ADAM11: variants seen among roughly 807,000 people sequenced by gnomAD.
The protein encoded by ADAM11 is ADAM metallopeptidase domain 11, also known as disintegrin and metalloproteinase domain-containing protein 11.
A neutral mutation model predicts 119.1 loss-of-function variants in ADAM11; 49 were observed. That is an observed-to-expected ratio of 0.41 (90% CI 0.33 to 0.52). The LOEUF is 0.52. Ranked by LOEUF, ADAM11 falls within the 20% of genes least tolerant of loss-of-function variation. The pLI is 0.20. For missense variants in ADAM11, 777 were observed against 1,047.5 expected (o/e 0.74, Z 3.56); for synonymous variants, 364 against 408.0 (o/e 0.89, Z 1.30).
rs761365432 is a variant in ADAM11, at chr17:44,759,842, AG to A, written c.184del (p.Val62SerfsTer25). 2 of 1,314,190 alleles carry A rather than the reference AG, an allele frequency of 1.5e-6. No homozygotes were observed. The highest frequency in any genetic ancestry group is 2.0e-6 in the Non-Finnish European group (2 of 1,023,302). The allele number at this position is 1,314,190 out of a possible 1,614,324, so 81.4% of individuals were successfully genotyped here. ...SRLVRESSGG[E>X]VRKQQLDTRV... ...CTGGTTAGGGAGAGCTCCGGGGGAG[AG>A]GTCCGAAAGCAGCAGCTGGACACAA... On this transcript the variant is annotated frameshift_variant, in exon 2 of 27. Transcript: ENST00000200557. LOFTEE classifies it high-confidence loss of function.
chr17:44,773,115 C>T lies in ADAM11; in HGVS notation c.825+30C>T. 1 of 1,583,136 alleles carries T rather than the reference C, an allele frequency of 6.3e-7. No individual in the cohort carries two copies. The highest frequency in any genetic ancestry group is 2.3e-5 in the East Asian group (1 of 43,706). ...GCAGCTCTCCCTCCCTCCCTTCCCTCCTCCTCATGCCCCCCACCCCACCAC... is the reference window on the plus strand; with the variant it reads ...GCAGCTCTCCCTCCCTCCCTTCCCTTCTCCTCATGCCCCCCACCCCACCAC... On this transcript the variant is annotated intron_variant, in intron 10 of 26. Transcript: ENST00000200557. This position sits in a 1 kb window ranked among gnomAD's most constrained non-coding sequence, Gnocchi z 4.6.
Position 44,764,941 on chromosome 17 carries a change from G to A in ADAM11, c.238-4777G>A, listed in dbSNP as rs948198790. 7.9e-5 allele frequency among the ~76,000 whole-genome samples: 12 copies of A among 152,138 alleles called. 1 individual carries two copies. The South Asian group carries it at 2.5e-3, about 32-fold the overall frequency. Reference sequence around the variant, plus strand: ...GGGGTTACTTGTCAGGCTCGGGGTGGGGTCCAGGGGAGAAACCACATGAGC... The same window carrying A: ...GGGGTTACTTGTCAGGCTCGGGGTGAGGTCCAGGGGAGAAACCACATGAGC... On this transcript the variant is annotated intron_variant, in intron 2 of 26. Transcript: ENST00000200557.
At position 44,775,612 on chromosome 17, in the gene ADAM11, G is replaced by A; in HGVS notation, c.1421G>A (p.Cys474Tyr). The A allele has an allele frequency of 6.3e-7, 1 of 1,587,862 alleles. No homozygotes were observed. The highest frequency in any genetic ancestry group is 1.7e-5 in the Admixed American group (1 of 57,296). Residue 474 changes from cysteine (C) to tyrosine (Y), a missense_variant, in exon 17 of 27, where the codon TGC (cysteine) becomes TAC (tyrosine). By Grantham distance (194) the Cys-to-Tyr change is radical. Coordinates refer to ENST00000200557, the MANE Select transcript of ADAM11 (RefSeq NM_002390.6). The surrounding 1 kb of genome is among the most constrained non-coding windows in gnomAD (Gnocchi z 7.5). ...TGCAGCCGCGCAGGTGGCAACTGCT[G>A]CAAGAAATGCACCCTGACTCACGAC... The part of the protein sequence containing the change: ...QECSRAGGNC[C>Y]KKCTLTHDAM...
Position 44,777,539 on chromosome 17 carries a change from GGACCTGGTGGGA to G in ADAM11, c.1843_1854del (p.Leu615_Asp618del), listed in dbSNP as rs1196162809. Reference sequence around the variant, plus strand: ...ACATCTCTGGAGCTCCTCGGCTAGGGGACCTGGTGGGAGACATCAGTAGTGTCACCTTCTACC... The same window carrying G: ...ACATCTCTGGAGCTCCTCGGCTAGGGGACATCAGTAGTGTCACCTTCTACC... On this transcript the variant is annotated inframe_deletion, in exon 22 of 27. Transcript: ENST00000200557. The surrounding 1 kb of genome is among the most constrained non-coding windows in gnomAD (Gnocchi z 5.1). 6.2e-7 allele frequency: 1 copy of G among 1,614,194 alleles called. No individual in the cohort carries two copies. The highest frequency in any genetic ancestry group is 1.7e-5 in the Admixed American group (1 of 60,024).
chr17:44,777,839 G>C lies in ADAM11; in HGVS notation c.2046G>C (p.Glu682Asp). The C allele has an allele frequency of 1.9e-6, 3 of 1,613,676 alleles. No homozygotes were observed. Among genetic ancestry groups the C allele is most frequent in the Non-Finnish European group, 2.5e-6 (3 of 1,180,006 alleles). Residue 682 changes from glutamate (E) to aspartate (D), a missense_variant, in exon 23 of 27, where the codon GAG (glutamate) becomes GAC (aspartate). Coordinates refer to ENST00000200557, the MANE Select transcript of ADAM11 (RefSeq NM_002390.6). This position sits in a 1 kb window ranked among gnomAD's most constrained non-coding sequence, Gnocchi z 5.1. The part of the protein sequence containing the change: ...FNFSTCPGSG[E>D]RRICSHHGVC... ...TCAGCACCTGCCCCGGCAGTGGGGAGCGCCGGATTTGCTCCCACCACGGGG... is the reference window on the plus strand; with the variant it reads ...TCAGCACCTGCCCCGGCAGTGGGGACCGCCGGATTTGCTCCCACCACGGGG...
chr17:44,774,587 C>A lies in ADAM11; in HGVS notation c.1168+5C>A. The A allele has an allele frequency of 2.5e-6, 4 of 1,611,874 alleles. No homozygotes were observed. The highest frequency in any genetic ancestry group is 3.4e-6 in the Non-Finnish European group (4 of 1,178,992). ...ACAAACACCGGAGCTCGGCAGGTAT[C>A]CTCCCCCAGAGGCCCCCGTGTGGCC... On this transcript the variant is annotated splice_donor_5th_base_variant and intron_variant, in intron 13 of 26. Transcript: ENST00000200557.
In ADAM11 at chr17:44,775,816, C is replaced by A; in HGVS notation, c.1485+140C>A. The A allele has an allele frequency of 1.1e-6, 1 of 919,718 alleles. No homozygotes were observed. Among genetic ancestry groups the A allele is most frequent in the Non-Finnish European group, 1.6e-6 (1 of 625,320 alleles). The allele number at this position is 919,718 out of a possible 1,614,324, so 57.0% of individuals were successfully genotyped here. On this transcript the variant is annotated intron_variant, in intron 17 of 26. Coordinates refer to ENST00000200557, the MANE Select transcript of ADAM11 (RefSeq NM_002390.6). The surrounding 1 kb of genome is among the most constrained non-coding windows in gnomAD (Gnocchi z 7.5). ...GGGGCAGGGCTTGATGCGAAGACAGCGCCAATGGGGAGCAAGGGGCGGGGC... is the reference window on the plus strand; with the variant it reads ...GGGGCAGGGCTTGATGCGAAGACAGAGCCAATGGGGAGCAAGGGGCGGGGC...
rs548503019 is a variant in ADAM11, at chr17:44,771,682, A to T, written c.467+13A>T. On this transcript the variant is annotated intron_variant, in intron 5 of 26. Transcript: ENST00000200557. Reference sequence around the variant, plus strand: ...GCCAGGGGCTGCAGTGAGTATGGGGAGGGGCCGGGCAGCTGGGAGAAGCCT... The same window carrying T: ...GCCAGGGGCTGCAGTGAGTATGGGGTGGGGCCGGGCAGCTGGGAGAAGCCT... 1.2e-6 allele frequency: 2 copies of T among 1,612,182 alleles called. No individual in the cohort carries two copies. Among genetic ancestry groups the T allele is most frequent in the East Asian group, 4.5e-5 (2 of 44,848 alleles).
At position 44,774,751 on chromosome 17, in the gene ADAM11, T is replaced by A; in HGVS notation, c.1220+2T>A. The A allele has an allele frequency of 6.3e-7, 1 of 1,590,756 alleles. No individual in the cohort carries two copies. Among genetic ancestry groups the A allele is most frequent in the East Asian group, 2.2e-5 (1 of 44,620 alleles). On this transcript the variant is annotated splice_donor_variant, in intron 14 of 26. Transcript: ENST00000200557. LOFTEE classifies it high-confidence loss of function. ...GGGCTGCATCATGGAGGACACTGGG[T>A]GAGTTCTTGGGGACAAACCGGGGGA... is the stretch of plus-strand genomic sequence containing the variant.
In ADAM11 at chr17:44,775,147, C is replaced by A. The variant is rs2049581319; in HGVS notation, c.1221-65C>A. Reference sequence around the variant, plus strand: ...GTCCCCCAGTGTACCCCCTCCCCAGCCTTGAGAGGGGTGAGGGTGGGTTGG... The same window carrying A: ...GTCCCCCAGTGTACCCCCTCCCCAGACTTGAGAGGGGTGAGGGTGGGTTGG... On this transcript the variant is annotated intron_variant, in intron 14 of 26. Transcript: ENST00000200557. This position sits in a 1 kb window ranked among gnomAD's most constrained non-coding sequence, Gnocchi z 7.5. 1 of 1,366,742 alleles carries A rather than the reference C, an allele frequency of 7.3e-7. No homozygotes were observed. The allele number at this position is 1,366,742 out of a possible 1,614,324, so 84.7% of individuals were successfully genotyped here. A position where few individuals can be genotyped will look rare whatever the true frequency, so the allele number is the denominator to read the frequency against.
Position 44,772,132 on chromosome 17 carries a change from A to G in ADAM11, c.544-135A>G, listed in dbSNP as rs1184911424. ...GGAATCTGAGCATCTGGGAGATCAG[A>G]TCCGACATGGGAGCTGTGGCCAGTT... is the stretch of plus-strand genomic sequence containing the variant. On this transcript the variant is annotated intron_variant, in intron 6 of 26. Transcript: ENST00000200557. The surrounding 1 kb of genome is among the most constrained non-coding windows in gnomAD (Gnocchi z 4.5). 1 of 890,578 alleles carries G rather than the reference A, an allele frequency of 1.1e-6. No individual in the cohort carries two copies. The highest frequency in any genetic ancestry group is 2.7e-5 in the Admixed American group (1 of 36,414). The allele number at this position is 890,578 out of a possible 1,614,324, so 55.2% of individuals were successfully genotyped here.
At position 44,773,421 on chromosome 17, in the gene ADAM11, T is replaced by G; in HGVS notation, c.986T>G (p.Leu329Arg). Residue 329 changes from leucine (L) to arginine (R), a missense_variant, in exon 11 of 27, where the codon CTC (leucine) becomes CGC (arginine). By Grantham distance (102) the Leu-to-Arg change is moderately radical. This residue lies in a region of ADAM11 where 147 missense variants were observed against 223.3 expected (regional missense o/e 0.66). Coordinates refer to ENST00000200557, the MANE Select transcript of ADAM11 (RefSeq NM_002390.6). The surrounding 1 kb of genome is among the most constrained non-coding windows in gnomAD (Gnocchi z 4.6). The part of the protein sequence containing the change: ...GLPEPSDATH[L>R]FSGRTFQSTS... ...CCTGAGCCCAGTGATGCCACCCACC[T>G]CTTCTCGTGAGTCCCCCACCCTGCA... 6.2e-7 allele frequency: 1 copy of G among 1,612,662 alleles called. No individual in the cohort carries two copies. Among genetic ancestry groups the G allele is most frequent in the Non-Finnish European group, 8.5e-7 (1 of 1,179,360 alleles).
intron 2 of ADAM11, among the ~76,000 whole-genome samples, chr17:44,762,218 T>A (rs536840799): frequency 2.6e-5 from 4 of 152,130 alleles, no homozygotes; most frequent in Non-Finnish European, 5.9e-5. Flanking sequence ...TCTTAAGCAG[T>A]GGAGGTGGGA....
rs777040181 is a variant in ADAM11 at position 44,772,348 on chromosome 17, G to T, written c.610+15G>T. ...CAGGGAACCAGGTAAGGGAGGGAAG[G>T]GGGGGTGGGGAGGGGCCGGCTGTGC... is the stretch of plus-strand genomic sequence containing the variant. On this transcript the variant is annotated intron_variant, in intron 7 of 26. Coordinates refer to ENST00000200557, the MANE Select transcript of ADAM11 (RefSeq NM_002390.6). This position sits in a 1 kb window ranked among gnomAD's most constrained non-coding sequence, Gnocchi z 4.5. 1.9e-6 allele frequency: 3 copies of T among 1,588,256 alleles called. No individual in the cohort carries two copies. Among genetic ancestry groups the T allele is most frequent in the Non-Finnish European group, 2.6e-6 (3 of 1,165,972 alleles).
At chr17:44,769,608 G>A in intron 2 of ADAM11, 110 bp from the exon 3 acceptor site, 1 of 748,216 alleles carries the variant, frequency 1.3e-6, no homozygotes, top group Non-Finnish European at 2.3e-6. Flanking sequence ...CCCCTCAGCT[G>A]CTAGGGCTGG....
intron 1 of ADAM11, 164 bp downstream of exon 1, chr17:44,759,424 C>T: frequency 4.0e-6 from 5 of 1,253,402 alleles, no homozygotes; most frequent in Non-Finnish European, 5.0e-6. Context: ...CGTCCACCCA[C>T]CTGTCCCCAG....
chr17:44,767,403 C>A (rs1045795084), intron 2 of ADAM11, among the ~76,000 whole-genome samples: 2 of 150,576 alleles, frequency 1.3e-5, no homozygotes, highest in Non-Finnish European at 3.0e-5. Context: ...GCTGGGCGGG[C>A]TTGGGGCGGT....
chr17:44,774,206 T>C (rs2049566804), intron 11 of ADAM11, 89 bp from the exon 12 acceptor site: 1 of 788,296 alleles, frequency 1.3e-6, no homozygotes, highest in Non-Finnish European at 1.9e-6. Context: ...GGAAGGACTC[T>C]AGTGTGAGGG....
rs758883162 is a variant in ADAM11 at position 44,778,159 on chromosome 17, C to T, written c.2193C>T (p.Ser731=). 9.3e-6 allele frequency: 15 copies of T among 1,613,460 alleles called. No homozygotes were observed. Among genetic ancestry groups the T allele is most frequent in the Admixed American group, 5.0e-5 (3 of 59,890 alleles). ...CCCTGCCATCCTCCCCAGGTCCCAG[C>T]GGCACCAACATCATCATTGGCTCCA... ...TGETERYKGP[S]GTNIIIGSIA... The change falls in exon 25 of 27, where the codon AGC becomes AGT. Residue 731 remains serine (S), a synonymous_variant. Transcript: ENST00000200557.
Sources: gnomAD v4.1 joint callset for allele counts (sites outside exome capture counted in the v4.1 genomes callset) on GRCh38, gnomAD v4.1.1 for gene constraint, gnomAD v4.1.1 regional missense constraint, Gnocchi (gnomAD v3.1) non-coding constraint, MANE v1.5 for transcripts, NCBI Gene and HGNC (gene_info 2026-07-23, HGNC 2026-07-21) for gene names.